LPAR6: variants seen among roughly 807,000 people sequenced by gnomAD.
LPAR6 encodes lysophosphatidic acid receptor 6, also known as G-protein coupled purinergic receptor P2Y5.
A neutral mutation model predicts 22.0 loss-of-function variants in LPAR6; 17 were observed. The ratio of observed to expected loss-of-function variants is 0.77; its 90% CI spans 0.53 to 1.16. The LOEUF is 1.16. Among genes scored for constraint, LPAR6 ranks in the 50% most tolerant of loss-of-function variants. LPAR6 has a pLI of 0.00. For missense variants in LPAR6, 384 were observed against 406.9 expected (o/e 0.94, Z 0.48); for synonymous variants, 136 against 139.8 (o/e 0.97, Z 0.19).
At chr13:48,391,905 C>A (rs938466691) in intron 1 of LPAR6, among the ~76,000 whole-genome samples, 1 of 152,140 alleles carries the variant, frequency 6.6e-6, no homozygotes, top group Admixed American at 6.5e-5. Context: ...CTGGCATGAG[C>A]CACCGCACCC....
intron 1 of LPAR6, chr13:48,439,472 G>A (rs767983212): frequency 1.4e-4 from 21 of 152,064 alleles, no homozygotes; most frequent in Non-Finnish European, 2.6e-4. Flanking sequence ...GAAAGATTAC[G>A]GTTGTTAATC....
chr13:48,441,926 T>C (rs1331416851), intron 1 of LPAR6, among the ~76,000 whole-genome samples: 1 of 152,194 alleles, frequency 6.6e-6, no homozygotes, highest in Non-Finnish European at 1.5e-5. Context: ...TTCACAAATC[T>C]TAGTCATGAG....
chr13:48,433,884 T>G (rs756951918), intron 1 of LPAR6, among the ~76,000 whole-genome samples: 9 of 152,062 alleles, frequency 5.9e-5, no homozygotes, highest in Middle Eastern at 3.4e-3. Flanking sequence ...TTTATTTATA[T>G]GTATATACAT....
intron 1 of LPAR6, among the ~76,000 whole-genome samples, chr13:48,442,455 T>C (rs770095350): frequency 2.4e-4 from 37 of 152,214 alleles, no homozygotes; most frequent in Non-Finnish European, 4.4e-4. Context: ...CAAATATTCA[T>C]CATAGATATT....
intron 1 of LPAR6, among the ~76,000 whole-genome samples, chr13:48,403,779 A>T (rs1308853585): frequency 2.0e-5 from 3 of 152,118 alleles, no homozygotes; most frequent in African/African-American, 7.2e-5. Flanking sequence ...TGGTCTGGGT[A>T]CTACACTTTG....
chr13:48,396,812 AC>A (rs1282441287), intron 1 of LPAR6, among the ~76,000 whole-genome samples: 1 of 152,144 alleles, frequency 6.6e-6, no homozygotes, highest in Non-Finnish European at 1.5e-5. Flanking sequence ...AAAACAAACA[AC>A]CCTATCAAAA....
At chr13:48,424,890 T>C (rs1949057757) in intron 1 of LPAR6, among the ~76,000 whole-genome samples, 1 of 151,872 alleles carries the variant, frequency 6.6e-6, no homozygotes, top group Non-Finnish European at 1.5e-5. Context: ...CTGTCTCTAC[T>C]AAAAATACAA....
In LPAR6 at chr13:48,411,420, C is replaced by G. The variant is rs1226956837; in HGVS notation, c.1004G>C (p.Ser335Thr). 1 of 1,612,694 alleles carries G rather than the reference C, an allele frequency of 6.2e-7. No individual in the cohort carries two copies. Among genetic ancestry groups the G allele is most frequent in the Non-Finnish European group, 8.5e-7 (1 of 1,179,736 alleles). The change falls in exon 1 of 1, where the codon AGT becomes ACT. Residue 335 changes from serine (S) to threonine (T), a missense_variant. By Grantham distance (58) the Ser-to-Thr change is moderately conservative. Coordinates refer to ENST00000620633, the MANE Select transcript of LPAR6 (RefSeq NM_001162498.3). ...FIQHNLQTLK[S>T]KIFDNESAA is the part of the protein sequence containing the mutation. ...AGCAGATTCATTGTCAAATATCTTA[C>G]TTTTTAAGGTCTGTAGGTTATGCTG...
At chr13:48,403,556 C>A (rs1212524042) in intron 1 of LPAR6, among the ~76,000 whole-genome samples, 1 of 152,072 alleles carries the variant, frequency 6.6e-6, no homozygotes, top group Non-Finnish European at 1.5e-5. Flanking sequence ...AGCCCCCAAG[C>A]TCAAAGTAGC....
At chr13:48,404,414 G>A (rs1045313440) in intron 1 of LPAR6, among the ~76,000 whole-genome samples, 30 of 147,916 alleles carry the variant, frequency 2.0e-4, no homozygotes, top group African/African-American at 7.2e-4. Flanking sequence ...CAGAGGAAAT[G>A]GAGGAGAGAA....
intron 1 of LPAR6, among the ~76,000 whole-genome samples, chr13:48,443,762 C>T (rs1416693217): frequency 1.3e-5 from 2 of 152,086 alleles, no homozygotes; most frequent in African/African-American, 4.8e-5. Context: ...TCTTAGGCAC[C>T]TCCGTTGCTT....
In LPAR6 at chr13:48,412,348, T is replaced by A. The variant is rs746855344; in HGVS notation, c.76A>T (p.Met26Leu). Residue 26 changes from methionine to leucine, a missense_variant, in exon 1 of 1, where the codon ATG (methionine) becomes TTG (leucine). By Grantham distance (15) the Met-to-Leu change is conservative. Transcript: ENST00000620633. ...GATATTAACCCAAGCACAAACACCA[T>A]GCTGAACATGCACCCATACAAAGTG... The part of the protein sequence containing the change: ...KYTLYGCMFS[M>L]VFVLGLISNC... The A allele has an allele frequency of 1.2e-6, 2 of 1,613,630 alleles. No homozygotes were observed. Among genetic ancestry groups the A allele is most frequent in the Non-Finnish European group, 1.7e-6 (2 of 1,179,604 alleles).
Position 48,411,769 on chromosome 13 carries a change from T to G in LPAR6, c.655A>C (p.Arg219=). 1 of 1,611,146 alleles carries G rather than the reference T, an allele frequency of 6.2e-7. No homozygotes were observed. The highest frequency in any genetic ancestry group is 2.2e-5 in the East Asian group (1 of 44,824). ...ACCTTAGTTTTGTTTATTTTGCTTC[T>G]ACTTAATGTAACAGGTTTGGTTAAA... ...KTLTKPVTLS[R]SKINKTKVLK... is the part of the protein sequence containing the mutation. The change falls in exon 1 of 1, where the codon AGA becomes CGA. Residue 219 remains arginine (R), a synonymous_variant. Transcript: ENST00000620633.
At chr13:48,409,824 C>T (rs1448460904), downstream of LPAR6, among the ~76,000 whole-genome samples, 1 of 151,902 alleles carries the variant, frequency 6.6e-6, no homozygotes, top group Non-Finnish European at 1.5e-5. Context: ...TATGATCCAC[C>T]CGCCTCAGCC....
upstream of LPAR6, among the ~76,000 whole-genome samples, chr13:48,417,660 C>T (rs1249684388): frequency 3.3e-5 from 5 of 151,564 alleles, no homozygotes; most frequent in South Asian, 2.1e-4. Context: ...GGAATTGCTA[C>T]CTAAAATAAG....
At chr13:48,437,511 A>G (rs1949195965) in intron 1 of LPAR6, among the ~76,000 whole-genome samples, 1 of 152,164 alleles carries the variant, frequency 6.6e-6, no homozygotes, top group Non-Finnish European at 1.5e-5. Context: ...CTCATGAGAG[A>G]TTCTTAAATT....
rs777636585 is a variant in LPAR6 at position 48,412,344 on chromosome 13, A to G, written c.80T>C (p.Val27Ala). The change falls in exon 1 of 1, where the codon GTG becomes GCG. Residue 27 changes from valine to alanine, a missense_variant. Coordinates refer to ENST00000620633, the MANE Select transcript of LPAR6 (RefSeq NM_001162498.3). Reference protein sequence around the residue: ...YTLYGCMFSMVFVLGLISNCV... With the variant: ...YTLYGCMFSMAFVLGLISNCV... ...ATTGGATATTAACCCAAGCACAAAC[A>G]CCATGCTGAACATGCACCCATACAA... The G allele has an allele frequency of 5.0e-6, 8 of 1,613,542 alleles. No individual in the cohort carries two copies. The highest frequency in any genetic ancestry group is 1.6e-4 in the Middle Eastern group (1 of 6,062).
At chr13:48,432,069 A>G (rs1320485761) in intron 1 of LPAR6, among the ~76,000 whole-genome samples, 1 of 152,190 alleles carries the variant, frequency 6.6e-6, no homozygotes, top group Non-Finnish European at 1.5e-5. Context: ...TTCTCTGAAG[A>G]AAAATAATTT....
At chr13:48,421,878 G>A (rs541920843) in intron 2 of LPAR6, among the ~76,000 whole-genome samples, 2 of 152,344 alleles carry the variant, frequency 1.3e-5, no homozygotes, top group South Asian at 4.1e-4. Flanking sequence ...ACAGATGCTG[G>A]AGAGGATGTG....
Sources: gnomAD v4.1 joint callset for allele counts (sites outside exome capture counted in the v4.1 genomes callset) on GRCh38, gnomAD v4.1.1 for gene constraint, MANE v1.5 for transcripts, NCBI Gene and HGNC (gene_info 2026-07-23, HGNC 2026-07-21) for gene names.